Variants in RALGAPA1 observed in about 807,000 individuals in gnomAD.
The protein encoded by RALGAPA1 is ral GTPase-activating protein subunit alpha-1.
Under a neutral mutation model 269.6 loss-of-function variants are expected in RALGAPA1, and 52 were observed. That is an observed-to-expected ratio of 0.19 (90% CI 0.15 to 0.24). RALGAPA1 has a LOEUF of 0.24. Among genes scored for constraint, RALGAPA1 ranks in the 10% least tolerant of loss-of-function variants. The pLI is 1.00. For missense variants in RALGAPA1, 1,917 were observed against 3,013.9 expected, an observed-to-expected ratio of 0.64 and a Z score of 8.52; for synonymous variants, 817 against 1,008.3, an observed-to-expected ratio of 0.81 and a Z score of 3.60.
At chr14:35,780,986 C>G (rs561883940) in intron 1 of RALGAPA1, among the ~76,000 whole-genome samples, 1 of 152,006 alleles carries the variant, frequency 6.6e-6, no homozygotes, top group Admixed American at 6.6e-5. Context: ...AAAGAGCAAA[C>G]TAATCCTAAA....
At chr14:35,541,753 A>G (rs192186008) in intron 41 of RALGAPA1, 198 of 457,040 alleles carry the variant, frequency 4.3e-4, no homozygotes, top group Non-Finnish European at 7.4e-4. Context: ...GAGATGGCCA[A>G]TGTTTTCTAG....
intron 1 of RALGAPA1, among the ~76,000 whole-genome samples, chr14:35,801,016 T>A (rs2076927816): frequency 7.2e-6 from 1 of 138,764 alleles, no homozygotes. Context: ...GCGTCCCGCC[T>A]CCAAAAATAA....
intron 1 of RALGAPA1, among the ~76,000 whole-genome samples, chr14:35,790,335 T>C (rs1424702085): frequency 1.3e-5 from 2 of 152,024 alleles, no homozygotes; most frequent in African/African-American, 2.4e-5. Flanking sequence ...GTGGGGATCT[T>C]TGGGCAACAA....
intron 1 of RALGAPA1, among the ~76,000 whole-genome samples, chr14:35,790,715 A>G (rs575389358): frequency 6.6e-6 from 1 of 151,720 alleles, no homozygotes; most frequent in African/African-American, 2.4e-5. Context: ...AAACCTTGGA[A>G]CAAGTATAAA....
At chr14:35,680,440 C>T (rs1405070577) in intron 21 of RALGAPA1, among the ~76,000 whole-genome samples, 1 of 151,896 alleles carries the variant, frequency 6.6e-6, no homozygotes, top group African/African-American at 2.4e-5. Context: ...GAACTCCTGA[C>T]CTCAGGTGAT....
chr14:35,728,544 G>A, intron 12 of RALGAPA1, 34 bp from the exon 13 acceptor site: 2 of 1,537,902 alleles, frequency 1.3e-6, no homozygotes, highest in African/African-American at 1.4e-5. Context: ...TATTCACAAA[G>A]GAATTTCAAT....
chr14:35,802,914 C>T (rs2077085009), intron 1 of RALGAPA1, among the ~76,000 whole-genome samples: 1 of 152,032 alleles, frequency 6.6e-6, no homozygotes, highest in African/African-American at 2.4e-5. Context: ...TCTCAAACTC[C>T]TGGGCTCAAG....
At chr14:35,675,233 T>C (rs1181471432) in intron 22 of RALGAPA1, among the ~76,000 whole-genome samples, 2 of 152,208 alleles carry the variant, frequency 1.3e-5, no homozygotes, top group African/African-American at 4.8e-5. Context: ...TGGAGTGCAA[T>C]GGCGTGATCT....
intron 39 of RALGAPA1, among the ~76,000 whole-genome samples, chr14:35,569,838 G>A (rs925392702): frequency 5.3e-5 from 8 of 151,994 alleles, no homozygotes; most frequent in African/African-American, 1.4e-4. Context: ...CAACATGTAC[G>A]CTGAATACAG....
Position 35,701,907 on chromosome 14 carries a change from C to T in RALGAPA1, c.2267-1605G>A, listed in dbSNP as rs142246486. Among the ~76,000 whole-genome samples, 635 of 152,226 alleles carry T rather than the reference C, an allele frequency of 4.2e-3. 6 individuals carry two copies. The highest frequency in any genetic ancestry group is 0.031 in the Middle Eastern group (9 of 294). On this transcript the variant is annotated intron_variant, in intron 16 of 41. Coordinates refer to ENST00000680220, the MANE Select transcript of RALGAPA1 (RefSeq NM_001346249.2). ...CAAGCGACCCTCTCACATTGGTCTC[C>T]CAAAGTACTGAGATTACATGAATAA... is the stretch of plus-strand genomic sequence containing the variant.
chr14:35,552,719 C>CAAAAAAAAAAAAAAAAAAAAACAAAAAAA (rs34917498), intron 39 of RALGAPA1, among the ~76,000 whole-genome samples: 1 of 117,024 alleles, frequency 8.5e-6, no homozygotes. Flanking sequence ...ACTAGCCAAT[C>CAAAAAAAAAAAAAAAAAAAAACAAAAAAA]AAAAAAAAAA....
chr14:35,734,998 C>T (rs776561634), intron 12 of RALGAPA1, among the ~76,000 whole-genome samples: 4 of 150,508 alleles, frequency 2.7e-5, no homozygotes, highest in South Asian at 2.1e-4. Context: ...AACCACAATG[C>T]GATACCATCT....
chr14:35,697,361 T>C (rs1595185911), intron 17 of RALGAPA1, among the ~76,000 whole-genome samples: 1 of 151,968 alleles, frequency 6.6e-6, no homozygotes, highest in Non-Finnish European at 1.5e-5. Context: ...TTTTGTTTTT[T>C]TTTGAGACGG....
chr14:35,604,059 T>C (rs1044856185), intron 36 of RALGAPA1, among the ~76,000 whole-genome samples: 9 of 152,158 alleles, frequency 5.9e-5, no homozygotes, highest in African/African-American at 2.2e-4. Context: ...CTAAATACCC[T>C]GAACTGATCA....
In RALGAPA1 at chr14:35,727,588, T is replaced by C. The variant is rs917143815; in HGVS notation, c.1736+774A>G. ...CTATTTATAGAGCACCAATGATATA[T>C]AATGTACTATACTAAGAAATGTAGG... On this transcript the variant is annotated intron_variant, in intron 13 of 41. Transcript: ENST00000680220. Among the ~76,000 whole-genome samples, 28 of 152,058 alleles carry C rather than the reference T, an allele frequency of 1.8e-4. 1 individual carries two copies. Among genetic ancestry groups the C allele is most frequent in the African/African-American group, 6.7e-4 (28 of 41,482 alleles).
At chr14:35,766,904 G>A (rs963375430) in intron 4 of RALGAPA1, 1 of 426,064 alleles carries the variant, frequency 2.3e-6, no homozygotes, top group Non-Finnish European at 4.6e-6. Flanking sequence ...ACTGTCAGCA[G>A]TGAGTAACCC....
At chr14:35,667,810 C>T (rs1481555907) in intron 26 of RALGAPA1, among the ~76,000 whole-genome samples, 1 of 152,152 alleles carries the variant, frequency 6.6e-6, no homozygotes, top group Non-Finnish European at 1.5e-5. Context: ...ATTGGATATA[C>T]ATACAAAGGA....
At position 35,591,600 on chromosome 14, in the gene RALGAPA1, G is replaced by A. The variant is rs755252866; in HGVS notation, c.7209+4034C>T. ...GTGCTGGGATTACAGGCATAAGCAAGCCACCACACCTGGCCTGGAATAATT... is the reference window on the plus strand; with the variant it reads ...GTGCTGGGATTACAGGCATAAGCAAACCACCACACCTGGCCTGGAATAATT... On this transcript the variant is annotated intron_variant, in intron 37 of 41. Transcript: ENST00000680220. 6.2e-4 allele frequency among the ~76,000 whole-genome samples: 95 copies of A among 152,052 alleles called. 1 individual carries two copies. Among genetic ancestry groups the A allele is most frequent in the Non-Finnish European group, 2.1e-4 (14 of 68,002 alleles).
intron 37 of RALGAPA1, among the ~76,000 whole-genome samples, chr14:35,580,869 T>C (rs1002405315): frequency 6.6e-6 from 1 of 152,188 alleles, no homozygotes; most frequent in Non-Finnish European, 1.5e-5. Context: ...TCTAATTTAA[T>C]TAGAGGTATT....
Sources: gnomAD v4.1 joint callset for allele counts (sites outside exome capture counted in the v4.1 genomes callset) on GRCh38, gnomAD v4.1.1 for gene constraint, MANE v1.5 for transcripts, NCBI Gene and HGNC (gene_info 2026-07-23, HGNC 2026-07-21) for gene names.